The following ANKS1B variants were observed in gnomAD, a reference collection of about 807,000 sequenced individuals.
ANKS1B encodes ankyrin repeat and sterile alpha motif domain containing 1B, also known as ankyrin repeat and sterile alpha motif domain-containing protein 1B.
ANKS1B carries 36 observed loss-of-function variants against 148.3 expected under a neutral mutation model. The observed-to-expected ratio is 0.24, with a 90% CI of 0.19 to 0.32. ANKS1B has a LOEUF of 0.32. Among genes scored for constraint, ANKS1B ranks in the 10% least tolerant of loss-of-function variants. The probability of loss-of-function intolerance (pLI) is 1.00; values close to 1 mark genes in which losing one functional copy is unlikely to be tolerated. For missense variants in ANKS1B, 1,157 were observed against 1,542.6 expected (o/e 0.75, Z 4.19); for synonymous variants, 542 against 560.8 (o/e 0.97, Z 0.47).
At chr12:99,390,686 T>C (rs2094030363) in intron 12 of ANKS1B, among the ~76,000 whole-genome samples, 1 of 152,212 alleles carries the variant, frequency 6.6e-6, no homozygotes, top group South Asian at 2.1e-4. Flanking sequence ...ACTTGATAGT[T>C]CCCTGTGGTA....
intron 17 of ANKS1B, among the ~76,000 whole-genome samples, chr12:99,022,329 A>C (rs1222217317): frequency 6.6e-6 from 1 of 152,208 alleles, no homozygotes; most frequent in African/African-American, 2.4e-5. Context: ...AATCATGTGA[A>C]AGGCTGCACA....
intron 1 of ANKS1B, among the ~76,000 whole-genome samples, chr12:99,924,743 C>G (rs1233189466): frequency 6.6e-6 from 1 of 152,074 alleles, no homozygotes; most frequent in African/African-American, 2.4e-5. Context: ...AGAGAGAGGG[C>G]CCTACCAGAC....
chr12:99,587,000 A>G (rs1190528871), intron 9 of ANKS1B, among the ~76,000 whole-genome samples: 1 of 152,096 alleles, frequency 6.6e-6, no homozygotes, highest in Non-Finnish European at 1.5e-5. Context: ...AAACATATAT[A>G]TATATATTTG....
chr12:99,843,651 C>A (rs547711351), intron 1 of ANKS1B, among the ~76,000 whole-genome samples: 1 of 152,162 alleles, frequency 6.6e-6, no homozygotes, highest in Non-Finnish European at 1.5e-5. Context: ...TTTATCTAGT[C>A]TATCATTGAT....
chr12:99,560,336 T>C lies in ANKS1B; in HGVS notation c.1273-55695A>G, dbSNP rs989099230. On this transcript the variant is annotated intron_variant, in intron 9 of 26. Coordinates refer to ENST00000683438, the MANE Select transcript of ANKS1B (RefSeq NM_001352186.2). ...ACCTCAATAGATATGTTGTTTTTTTTCACATAGCCCAACACATTTTTCTTC... is the reference window on the plus strand; with the variant it reads ...ACCTCAATAGATATGTTGTTTTTTTCCACATAGCCCAACACATTTTTCTTC... Among the ~76,000 whole-genome samples the C allele has an allele frequency of 2.6e-5, 4 of 152,288 alleles. 1 individual carries two copies. In the Middle Eastern group the frequency reaches 0.01, roughly 388 times the overall value.
chr12:99,771,349 A>G (rs181900722), intron 8 of ANKS1B, among the ~76,000 whole-genome samples: 17 of 152,234 alleles, frequency 1.1e-4, no homozygotes, highest in African/African-American at 3.8e-4. Flanking sequence ...ACGTACAACA[A>G]AAAAGTTTGG....
At chr12:99,942,109 T>C (rs1318439570) in intron 1 of ANKS1B, among the ~76,000 whole-genome samples, 1 of 152,066 alleles carries the variant, frequency 6.6e-6, no homozygotes, top group East Asian at 1.9e-4. Flanking sequence ...TGTAGAACCT[T>C]GGAGATGATC....
At chr12:99,637,813 T>A (rs1375900700) in intron 9 of ANKS1B, among the ~76,000 whole-genome samples, 2 of 147,120 alleles carry the variant, frequency 1.4e-5, no homozygotes, top group Non-Finnish European at 3.0e-5. Context: ...AATATATATA[T>A]AATATATATA....
chr12:98,871,841 A>G (rs2099670911), intron 17 of ANKS1B, among the ~76,000 whole-genome samples: 1 of 152,172 alleles, frequency 6.6e-6, no homozygotes, highest in African/African-American at 2.4e-5. Flanking sequence ...AGCAATGACA[A>G]TGAATGTGAT....
intron 17 of ANKS1B, among the ~76,000 whole-genome samples, chr12:98,882,195 G>A (rs1485722179): frequency 1.3e-5 from 2 of 151,918 alleles, no homozygotes; most frequent in Non-Finnish European, 2.9e-5. Context: ...CAAACAAAAC[G>A]ATAAATTCTG....
intron 17 of ANKS1B, among the ~76,000 whole-genome samples, chr12:99,047,132 G>A (rs759027891): frequency 5.9e-5 from 9 of 152,190 alleles, no homozygotes; most frequent in South Asian, 2.1e-4. Flanking sequence ...AGATATGGTG[G>A]CTTACAACTG....
chr12:99,909,573 A>G (rs1052304302), intron 1 of ANKS1B, among the ~76,000 whole-genome samples: 1 of 151,958 alleles, frequency 6.6e-6, no homozygotes, highest in Non-Finnish European at 1.5e-5. Flanking sequence ...TGAACTCTCT[A>G]TTTTATTCCA....
intron 8 of ANKS1B, among the ~76,000 whole-genome samples, chr12:99,746,427 T>C (rs901835388): frequency 6.6e-6 from 1 of 152,168 alleles, no homozygotes; most frequent in African/African-American, 2.4e-5. Context: ...TGTCAACTCT[T>C]TTGCAGTTTT....
intron 15 of ANKS1B, among the ~76,000 whole-genome samples, chr12:99,139,832 T>A (rs1300650461): frequency 6.6e-6 from 1 of 152,038 alleles, no homozygotes; most frequent in Non-Finnish European, 1.5e-5. Flanking sequence ...AATGAATGGA[T>A]AACCCTCCTG....
intron 12 of ANKS1B, among the ~76,000 whole-genome samples, chr12:99,362,024 C>A (rs942612389): frequency 1.3e-5 from 2 of 151,904 alleles, no homozygotes; most frequent in Admixed American, 6.6e-5. Flanking sequence ...TTTAAAAGTA[C>A]ATTATCAATC....
At chr12:99,883,062 A>C (rs1263471222) in intron 1 of ANKS1B, among the ~76,000 whole-genome samples, 29 of 152,246 alleles carry the variant, frequency 1.9e-4, no homozygotes, top group Admixed American at 1.9e-3. Context: ...CAAATGTGGA[A>C]CATCAGAAAG....
intron 1 of ANKS1B, among the ~76,000 whole-genome samples, chr12:99,891,763 T>C (rs2093123254): frequency 6.6e-6 from 1 of 152,196 alleles, no homozygotes; most frequent in Non-Finnish European, 1.5e-5. Context: ...AGGGTTGTTT[T>C]GGGTTTGATA....
chr12:99,173,330 A>T (rs888612900), intron 14 of ANKS1B, among the ~76,000 whole-genome samples: 4 of 152,166 alleles, frequency 2.6e-5, no homozygotes, highest in Admixed American at 6.5e-5. Context: ...TCCATTTTCT[A>T]CTAATATTGT....
chr12:99,119,911 G>A (rs2062327610), intron 15 of ANKS1B, among the ~76,000 whole-genome samples: 1 of 152,130 alleles, frequency 6.6e-6, no homozygotes, highest in African/African-American at 2.4e-5. Context: ...GTCAAAGAAA[G>A]TAATCACCAA....
Sources: allele counts gnomAD v4.1 joint callset (sites outside exome capture counted in the v4.1 genomes callset), GRCh38; gene constraint gnomAD v4.1.1; transcripts MANE v1.5; gene names NCBI Gene and HGNC (gene_info 2026-07-23, HGNC 2026-07-21).